CPLANE2: variants seen among roughly 807,000 people sequenced by gnomAD.
CPLANE2 encodes the protein ciliogenesis and planar polarity effector complex subunit 2.
CPLANE2 carries 24 observed loss-of-function variants against 20.9 expected under a neutral mutation model. The ratio of observed to expected loss-of-function variants is 1.15; its 90% CI spans 0.83 to 1.61. The LOEUF is 1.61. Ranked by LOEUF, CPLANE2 falls within the 40% of genes most tolerant of loss-of-function variation. CPLANE2 has a pLI of 0.00. For missense variants in CPLANE2, 330 were observed against 355.1 expected, an observed-to-expected ratio of 0.93 and a Z score of 0.57; for synonymous variants, 132 against 144.3, an observed-to-expected ratio of 0.92 and a Z score of 0.61.
Position 16,233,650 on chromosome 1 carries a change from G to A in CPLANE2, c.227C>T (p.Ala76Val). 2.5e-6 allele frequency: 4 copies of A among 1,614,152 alleles called. No individual in the cohort carries two copies. The highest frequency in any genetic ancestry group is 3.4e-6 in the Non-Finnish European group (4 of 1,180,042). Residue 76 changes from alanine to valine, a missense_variant, in exon 2 of 5, where the codon GCT becomes GTT. By Grantham distance (64) the Ala-to-Val change is moderately conservative. Transcript: ENST00000375599. ...VGKTALVAKL[A>V]GLEVPVVHHE... is the part of the protein sequence containing the mutation. ...GTGCACCACAGGCACCTCCAGGCCA[G>A]CCAGCTTGGCCACCAGCGCCGTCTT...
chr1:16,236,225 G>A (rs769597733), intron 1 of CPLANE2, among the ~76,000 whole-genome samples: 168 of 152,330 alleles, frequency 1.1e-3, no homozygotes, highest in Non-Finnish European at 1.8e-3. Flanking sequence ...AGAGACAGCA[G>A]GACATGGAAG....
chr1:16,234,968 C>T (rs974756933), intron 1 of CPLANE2, among the ~76,000 whole-genome samples: 5 of 152,230 alleles, frequency 3.3e-5, no homozygotes, highest in African/African-American at 1.2e-4. Context: ...AGGTGATCTG[C>T]CTGCCTCAGC....
At chr1:16,233,501 G>T in intron 2 of CPLANE2, 111 bp downstream of exon 2, 1 of 1,300,982 alleles carries the variant, frequency 7.7e-7, no homozygotes, top group South Asian at 1.4e-5. Flanking sequence ...GCTCAGAGAC[G>T]TGAAGTGACT....
At position 16,231,823 on chromosome 1, in the gene CPLANE2, G is replaced by A; in HGVS notation, c.*225C>T. The A allele has an allele frequency of 1.6e-6, 1 of 615,036 alleles. No individual in the cohort carries two copies. Among genetic ancestry groups the A allele is most frequent in the South Asian group, 2.3e-5 (1 of 44,146 alleles). 38.1% of individuals were successfully genotyped at this position (615,036 alleles called of 1,614,324 possible). A position where few individuals can be genotyped will look rare whatever the true frequency, so the allele number is the denominator to read the frequency against. ...TCCTCCATCGGTGCTGCCAAAGGGG[G>A]AAAGGCCACGGGAGATGTTCGAGCT... is the stretch of plus-strand genomic sequence containing the variant. On this transcript the variant is annotated 3_prime_UTR_variant, in exon 5 of 5. Coordinates refer to ENST00000375599, the MANE Select transcript of CPLANE2 (RefSeq NM_030907.4).
Position 16,236,694 on chromosome 1 carries a change from C to G in CPLANE2, c.49G>C (p.Glu17Gln), listed in dbSNP as rs1190287323. 11 of 1,562,340 alleles carry G rather than the reference C, an allele frequency of 7.0e-6. No homozygotes were observed. Among genetic ancestry groups the G allele is most frequent in the Non-Finnish European group, 8.7e-6 (10 of 1,151,880 alleles). The stretch of plus-strand genomic sequence containing the variant: ...AGGTACTCCTTGCCCTCGGCACTCT[C>G]GTGCCAGTTTGGGACAACCACCGAA... ...PGSVVVPNWH[E>Q]SAEGKEYLAC... is the part of the protein sequence containing the mutation. Residue 17 changes from glutamate (E) to glutamine (Q), a missense_variant, in exon 1 of 5, where the codon GAG becomes CAG. Transcript: ENST00000375599.
intron 1 of CPLANE2, 68 bp downstream of exon 1, chr1:16,236,563 C>T (rs2081466880): frequency 8.1e-7 from 1 of 1,236,652 alleles, no homozygotes. Context: ...CCTCAGGGAG[C>T]AACAGGTGAC....
chr1:16,232,882 T>G lies in CPLANE2; in HGVS notation c.390+11A>C. ...CTGGCAGAACCCACCCAGGCCCACA[T>G]GCCTGCTCACCAGCAGCATATGATC... On this transcript the variant is annotated intron_variant, in intron 3 of 4. Coordinates refer to ENST00000375599, the MANE Select transcript of CPLANE2 (RefSeq NM_030907.4). 1 of 1,614,086 alleles carries G rather than the reference T, an allele frequency of 6.2e-7. No individual in the cohort carries two copies. The highest frequency in any genetic ancestry group is 8.5e-7 in the Non-Finnish European group (1 of 1,179,954).
Position 16,231,999 on chromosome 1 carries a change from T to C in CPLANE2, c.*49A>G, listed in dbSNP as rs761587443. ...GTTCCTGCCCCAGCCTCCAGCCCTA[T>C]GTCGAGACCTGAGGGTTGGGGGTGG... On this transcript the variant is annotated 3_prime_UTR_variant, in exon 5 of 5. Coordinates refer to ENST00000375599, the MANE Select transcript of CPLANE2 (RefSeq NM_030907.4). The C allele has an allele frequency of 3.2e-6, 5 of 1,584,428 alleles. No individual in the cohort carries two copies. The South Asian group carries it at 5.7e-5, about 18-fold the overall frequency.
chr1:16,233,064 T>TGGGAGGAATAGGGGACCA (rs1239729955), intron 2 of CPLANE2, 47 bp from the exon 3 acceptor site: 1 of 1,609,080 alleles, frequency 6.2e-7, no homozygotes, highest in Non-Finnish European at 8.5e-7. Context: ...GAGGTGGAGA[T>TGGGAGGAATAGGGGACCA]GGGAGGAATA....
At position 16,233,627 on chromosome 1, in the gene CPLANE2, G is replaced by A. The variant is rs762708193; in HGVS notation, c.250C>T (p.His84Tyr). 2.7e-5 allele frequency: 44 copies of A among 1,613,912 alleles called. No homozygotes were observed. The highest frequency in any genetic ancestry group is 3.3e-5 in the Non-Finnish European group (39 of 1,180,046). ...TCCCACTCACCGGTGGTCTCGTGGT[G>A]CACCACAGGCACCTCCAGGCCAGCC... Reference protein sequence around the residue: ...KLAGLEVPVVHHETTGIQTTV... With the variant: ...KLAGLEVPVVYHETTGIQTTV... Residue 84 changes from histidine (H) to tyrosine (Y), a missense_variant, in exon 2 of 5, where the codon CAC becomes TAC. Transcript: ENST00000375599.
In CPLANE2 at chr1:16,232,681, C is replaced by T. The variant is rs2081431813; in HGVS notation, c.391-35G>A. The T allele has an allele frequency of 2.5e-6, 4 of 1,611,838 alleles. No individual in the cohort carries two copies. The Admixed American group carries it at 5.0e-5, about 20-fold the overall frequency. On this transcript the variant is annotated intron_variant, in intron 3 of 4. Coordinates refer to ENST00000375599, the MANE Select transcript of CPLANE2 (RefSeq NM_030907.4). ...GAGAGGCATATAACCATGTCACCCC[C>T]CATCAGCTGCAGGGCCCTCAGAAGA...
rs1036914533 is a variant in CPLANE2 at position 16,232,058 on chromosome 1, GCA to G, written c.765_766del (p.Ala256SerfsTer2). ...GCAACCACTCGTGACTCATTCAGGA[GCA>G]CTCTCTGGGGGGTTGGGAAGCAGGC... On this transcript the variant is annotated frameshift_variant, in exon 5 of 5. Transcript: ENST00000375599. LOFTEE classifies it high-confidence loss of function. 42 of 1,612,558 alleles carry G rather than the reference GCA, an allele frequency of 2.6e-5. No homozygotes were observed. Among genetic ancestry groups the G allele is most frequent in the Non-Finnish European group, 3.6e-5 (42 of 1,179,654 alleles).
intron 4 of CPLANE2, 55 bp from the exon 5 acceptor site, chr1:16,232,352 C>T: frequency 6.5e-7 from 1 of 1,540,836 alleles, no homozygotes; most frequent in Non-Finnish European, 8.8e-7. Context: ...CCCCATCAGA[C>T]CCTGCCTCTC....
chr1:16,236,533 C>T, intron 1 of CPLANE2, 98 bp downstream of exon 1: 1 of 943,308 alleles, frequency 1.1e-6, no homozygotes, highest in Non-Finnish European at 1.7e-6. Flanking sequence ...CAGGCCCTCA[C>T]TGCCCTGCCT....
At chr1:16,235,826 G>T (rs2081461105) in intron 1 of CPLANE2, among the ~76,000 whole-genome samples, 2 of 151,794 alleles carry the variant, frequency 1.3e-5, no homozygotes, top group Non-Finnish European at 1.5e-5. Context: ...GATTACAGGT[G>T]CCCGCCACCA....
Position 16,236,679 on chromosome 1 carries a change from T to C in CPLANE2, c.64A>G (p.Lys22Glu). Residue 22 changes from lysine to glutamate, a missense_variant, in exon 1 of 5, where the codon AAG becomes GAG. Lys to Glu is a moderately conservative substitution (Grantham distance 56). Transcript: ENST00000375599. ...VPNWHESAEGKEYLACILRKN... is the reference protein window; with the variant it reads ...VPNWHESAEGEEYLACILRKN... Reference sequence around the variant, plus strand: ...CGCAGAATGCAAGCCAGGTACTCCTTGCCCTCGGCACTCTCGTGCCAGTTT... The same window carrying C: ...CGCAGAATGCAAGCCAGGTACTCCTCGCCCTCGGCACTCTCGTGCCAGTTT... 6.4e-7 allele frequency: 1 copy of C among 1,563,132 alleles called. No homozygotes were observed. Among genetic ancestry groups the C allele is most frequent in the South Asian group, 1.2e-5 (1 of 85,088 alleles).
In CPLANE2 at chr1:16,236,505, C is replaced by T. The variant is rs2081466578; in HGVS notation, c.112+126G>A. On this transcript the variant is annotated intron_variant, in intron 1 of 4. Coordinates refer to ENST00000375599, the MANE Select transcript of CPLANE2 (RefSeq NM_030907.4). Reference sequence around the variant, plus strand: ...TTTCAGTCCCCCAGGCTGAAGACTGCTGAAGACTGCAGTGGAGCAGGCCCT... The same window carrying T: ...TTTCAGTCCCCCAGGCTGAAGACTGTTGAAGACTGCAGTGGAGCAGGCCCT... The T allele has an allele frequency of 8.2e-6, 6 of 730,344 alleles. No individual in the cohort carries two copies. In the East Asian group the frequency reaches 1.6e-4, roughly 20 times the overall value. The allele number at this position is 730,344 out of a possible 1,614,324, so 45.2% of individuals were successfully genotyped here.
chr1:16,231,944 A>G lies in CPLANE2; in HGVS notation c.*104T>C. Reference sequence around the variant, plus strand: ...TGGCCACATCCTCCCTGATCAGGCCATGCTGGCCAGTCCTCCAGATAGGAT... The same window carrying G: ...TGGCCACATCCTCCCTGATCAGGCCGTGCTGGCCAGTCCTCCAGATAGGAT... On this transcript the variant is annotated 3_prime_UTR_variant, in exon 5 of 5. Transcript: ENST00000375599. The G allele has an allele frequency of 6.7e-7, 1 of 1,492,204 alleles. No homozygotes were observed. The highest frequency in any genetic ancestry group is 9.1e-7 in the Non-Finnish European group (1 of 1,101,828). The allele number at this position is 1,492,204 out of a possible 1,614,324, so 92.4% of individuals were successfully genotyped here.
rs746078776 is a variant in CPLANE2 at position 16,232,048 on chromosome 1, T to C, written c.777A>G (p.Ter259TrpextTer7). The change falls in exon 5 of 5, where the codon TGA becomes TGG. Residue 259 changes from the stop codon to tryptophan, a stop_lost. Transcript: ENST00000375599. ...GGGATCACAGGCAACCACTCGTGAC[T>C]CATTCAGGAGCACTCTCTGGGGGGT... is the stretch of plus-strand genomic sequence containing the variant. ...LPNPPESAPE* is the reference protein window; with the variant it reads ...LPNPPESAPEW 4 of 1,611,624 alleles carry C rather than the reference T, an allele frequency of 2.5e-6. No individual in the cohort carries two copies. The African/African-American group carries it at 4.0e-5, about 16-fold the overall frequency.
Sources: gnomAD v4.1 joint callset for allele counts (sites outside exome capture counted in the v4.1 genomes callset) on GRCh38, gnomAD v4.1.1 for gene constraint, MANE v1.5 for transcripts, NCBI Gene and HGNC (gene_info 2026-07-23, HGNC 2026-07-21) for gene names.